The following ST3GAL6 variants were observed in gnomAD, a reference collection of about 807,000 sequenced individuals.
ST3GAL6 encodes the protein ST3 beta-galactoside alpha-2,3-sialyltransferase 6, also known as type 2 lactosamine alpha-2,3-sialyltransferase.
In ST3GAL6, 31 loss-of-function variants were observed where a neutral mutation model predicts 40.5. The ratio of observed to expected loss-of-function variants is 0.77; its 90% CI spans 0.58 to 1.03. The LOEUF is 1.03. Ranked by LOEUF, ST3GAL6 falls within the 50% of genes least tolerant of loss-of-function variation. The pLI is 0.00. For synonymous variants in ST3GAL6, 129 were observed against 136.9 expected (o/e 0.94, Z 0.40); for missense variants, 357 against 393.2 (o/e 0.91, Z 0.78).
chr3:98,761,283 AAAG>A (rs1191345635), upstream of ST3GAL6, among the ~76,000 whole-genome samples: 5 of 152,182 alleles, frequency 3.3e-5, no homozygotes, highest in African/African-American at 1.2e-4. Context: ...TGTCTCAAAA[AAAG>A]GAAAAAAATG....
intron 1 of ST3GAL6, chr3:98,733,045 T>G (rs1935176571): frequency 7.1e-7 from 1 of 1,416,770 alleles, no homozygotes; most frequent in South Asian, 1.5e-5. Context: ...AAGACCGGTC[T>G]GGGCCGGGGT....
intron 1 of ST3GAL6, among the ~76,000 whole-genome samples, chr3:98,755,015 A>G (rs1468073975): frequency 1.3e-5 from 2 of 152,220 alleles, no homozygotes; most frequent in Non-Finnish European, 2.9e-5. Context: ...AACATGCAAT[A>G]TCTCTTCAGT....
At position 98,771,115 on chromosome 3, in the gene ST3GAL6, T is replaced by C. The variant is rs1393724218; in HGVS notation, c.167+159T>C. ...TTGAATATCCTGTCTCTTTTTGTGCTTTTAGTCAGAGCTCTGCATATATTT... is the reference window on the plus strand; with the variant it reads ...TTGAATATCCTGTCTCTTTTTGTGCCTTTAGTCAGAGCTCTGCATATATTT... On this transcript the variant is annotated intron_variant, in intron 3 of 9. Transcript: ENST00000483910. The C allele has an allele frequency of 2.0e-6, 3 of 1,517,030 alleles. No homozygotes were observed. The African/African-American group carries it at 4.1e-5, about 21-fold the overall frequency. 94.0% of individuals were successfully genotyped at this position (1,517,030 alleles called of 1,614,324 possible). A position where few individuals can be genotyped will look rare whatever the true frequency, so the allele number is the denominator to read the frequency against.
intron 1 of ST3GAL6, among the ~76,000 whole-genome samples, chr3:98,747,395 A>C (rs1156600809): frequency 6.6e-6 from 1 of 152,226 alleles, no homozygotes; most frequent in Non-Finnish European, 1.5e-5. Context: ...TTGAGCTACC[A>C]AAGGTTTATG....
At chr3:98,736,977 T>C (rs1337331835) in intron 1 of ST3GAL6, among the ~76,000 whole-genome samples, 1 of 152,116 alleles carries the variant, frequency 6.6e-6, no homozygotes, top group African/African-American at 2.4e-5. Flanking sequence ...CTAGTTAGAA[T>C]TGGCATGCCT....
At chr3:98,770,566 G>A (rs3772097) in intron 2 of ST3GAL6, 50,947 of 221,796 alleles carry the variant, frequency 0.23, 6,682 homozygotes, top group East Asian at 0.36. Context: ...TAAAAAGTGA[G>A]CCTGGTTGCA....
intron 1 of ST3GAL6, among the ~76,000 whole-genome samples, chr3:98,743,373 C>T (rs1936281459): frequency 1.3e-5 from 2 of 151,910 alleles, no homozygotes; most frequent in South Asian, 4.2e-4. Context: ...AGTTATAAAG[C>T]AGCCTCTTAA....
chr3:98,773,029 A>G, intron 4 of ST3GAL6, 113 bp downstream of exon 4: 2 of 625,082 alleles, frequency 3.2e-6, no homozygotes, highest in Non-Finnish European at 5.6e-6. Context: ...AATGATTTCC[A>G]ATGGATATGA....
At chr3:98,782,322 G>T (rs558723933) in intron 5 of ST3GAL6, 12 of 703,308 alleles carry the variant, frequency 1.7e-5, no homozygotes, top group Non-Finnish European at 5.2e-6. Flanking sequence ...GCTAATTGAT[G>T]TATGCAAGAT....
At chr3:98,782,992 T>A (rs1940311824) in intron 5 of ST3GAL6, 1 of 317,698 alleles carries the variant, frequency 3.1e-6, no homozygotes, top group South Asian at 2.9e-5. Flanking sequence ...ACAAATGTGG[T>A]CCTGGCATTG....
intron 1 of ST3GAL6, among the ~76,000 whole-genome samples, chr3:98,741,293 G>C (rs1441825484): frequency 6.6e-6 from 1 of 151,888 alleles, no homozygotes; most frequent in East Asian, 1.9e-4. Context: ...CTTTACATAT[G>C]CTTTCTTGGA....
Position 98,732,886 on chromosome 3 carries a change from G to GGCAGCAGCCGGCTGGA in ST3GAL6, c.-12+360_-12+375dup, listed in dbSNP as rs1273507023. 9.3e-6 allele frequency: 14 copies of GGCAGCAGCCGGCTGGA among 1,510,076 alleles called. No homozygotes were observed. The African/African-American group carries it at 1.7e-4, about 19-fold the overall frequency. 93.5% of individuals were successfully genotyped at this position (1,510,076 alleles called of 1,614,324 possible). On this transcript the variant is annotated intron_variant, in intron 1 of 9. Coordinates refer to the ST3GAL6 transcript ENST00000265261. The stretch of plus-strand genomic sequence containing the variant: ...CCGATGTGGCAGGCGCCGCGAGAGA[G>GGCAGCAGCCGGCTGGA]GCAGCAGCCGGCTGGAGCAGCGGCC...
At position 98,772,879 on chromosome 3, in the gene ST3GAL6, C is replaced by T. The variant is rs143638537; in HGVS notation, c.234C>T (p.Ser78=). ...DFRKIASLYG[S]DKFDLPYGMR... ...GAAAGATTGCTTCCTTGTATGGTAG[C>T]GATAAGTTTGATTTGCCCTATGGGA... The change falls in exon 4 of 10, where the codon AGC becomes AGT. Residue 78 remains serine, a synonymous_variant. Coordinates refer to ENST00000483910, the MANE Select transcript of ST3GAL6 (RefSeq NM_001323368.2). 3.9e-5 allele frequency: 63 copies of T among 1,612,468 alleles called. No homozygotes were observed. Among genetic ancestry groups the T allele is most frequent in the African/African-American group, 3.7e-4 (28 of 74,792 alleles).
At chr3:98,755,588 C>G (rs1166451756) in intron 1 of ST3GAL6, among the ~76,000 whole-genome samples, 4 of 152,056 alleles carry the variant, frequency 2.6e-5, no homozygotes, top group Admixed American at 2.6e-4. Context: ...TTTTCAAGTG[C>G]CTTTAACTTA....
chr3:98,782,580 T>C, intron 5 of ST3GAL6: 1 of 521,148 alleles, frequency 1.9e-6, no homozygotes, highest in Non-Finnish European at 3.5e-6. Flanking sequence ...CTCTCCTGCT[T>C]CCAGCACTGT....
intron 5 of ST3GAL6, among the ~76,000 whole-genome samples, chr3:98,779,762 T>A (rs1450123840): frequency 6.6e-6 from 1 of 152,212 alleles, no homozygotes; most frequent in Non-Finnish European, 1.5e-5. Context: ...GTAAGCAGTT[T>A]AGAGCATACG....
chr3:98,740,465 G>A (rs929538372), intron 1 of ST3GAL6, among the ~76,000 whole-genome samples: 5 of 151,752 alleles, frequency 3.3e-5, no homozygotes, highest in Admixed American at 1.3e-4. Context: ...CTGTAGCCAC[G>A]CAGGTCTCCT....
At chr3:98,764,572 G>T (rs914726905) in intron 1 of ST3GAL6, among the ~76,000 whole-genome samples, 3 of 152,176 alleles carry the variant, frequency 2.0e-5, no homozygotes, top group African/African-American at 7.2e-5. Flanking sequence ...GCAAAAGGAG[G>T]GGCCTGTGCT....
intron 8 of ST3GAL6, among the ~76,000 whole-genome samples, chr3:98,789,419 G>A (rs752034888): frequency 6.6e-6 from 1 of 152,068 alleles, no homozygotes; most frequent in Admixed American, 6.5e-5. Flanking sequence ...CAGACTATTT[G>A]CTATGCATTC....
Sources: allele counts gnomAD v4.1 joint callset (sites outside exome capture counted in the v4.1 genomes callset), GRCh38; gene constraint gnomAD v4.1.1; transcripts MANE v1.5; gene names NCBI Gene and HGNC (gene_info 2026-07-23, HGNC 2026-07-21).